The following CNOT2 variants were observed in gnomAD, a reference collection of about 807,000 sequenced individuals.
The protein encoded by CNOT2 is CC chemokine receptor 4-negative regulator of transcription 2.
A neutral mutation model predicts 72.1 loss-of-function variants in CNOT2; 7 were observed. The ratio of observed to expected loss-of-function variants is 0.10; its 90% CI spans 0.06 to 0.18. The LOEUF (loss-of-function observed/expected upper bound fraction) is 0.18, where lower values mean the gene tolerates loss of function less well. Ranked by LOEUF, CNOT2 falls within the 10% of genes least tolerant of loss-of-function variation. The probability of loss-of-function intolerance (pLI) is 1.00; values close to 1 mark genes in which losing one functional copy is unlikely to be tolerated. For synonymous variants in CNOT2, 196 were observed against 225.6 expected, an observed-to-expected ratio of 0.87 and a Z score of 1.17; for missense variants, 345 against 660.3, an observed-to-expected ratio of 0.52 and a Z score of 5.23.
At chr12:70,299,390 C>T (rs531616484) in intron 2 of CNOT2, among the ~76,000 whole-genome samples, 97 of 115,752 alleles carry the variant, frequency 8.4e-4, no homozygotes, top group Non-Finnish European at 1.5e-3. Context: ...CACCCCCCAA[C>T]AGTCCCCGGT....
At chr12:70,333,375 A>C (rs1000704117) in intron 7 of CNOT2, among the ~76,000 whole-genome samples, 1 of 151,924 alleles carries the variant, frequency 6.6e-6, no homozygotes. Flanking sequence ...TGGAAAACCA[A>C]CTCTGATTTT....
intron 2 of CNOT2, among the ~76,000 whole-genome samples, chr12:70,280,025 C>T (rs1485402343): frequency 6.6e-6 from 1 of 152,006 alleles, no homozygotes; most frequent in Non-Finnish European, 1.5e-5. Context: ...TTATGGGGTA[C>T]ATGTGGTATT....
intron 2 of CNOT2, among the ~76,000 whole-genome samples, chr12:70,282,080 G>A (rs1347160889): frequency 6.6e-6 from 1 of 152,088 alleles, no homozygotes; most frequent in African/African-American, 2.4e-5. Context: ...TTGGTGCTTG[G>A]TATGTAGATA....
intron 2 of CNOT2, among the ~76,000 whole-genome samples, chr12:70,282,631 A>G (rs565248170): frequency 2.6e-5 from 4 of 152,286 alleles, no homozygotes; most frequent in Non-Finnish European, 4.4e-5. Context: ...CTTTGTCTCT[A>G]ACAAATGTGT....
At chr12:70,273,345 G>C (rs1868318440) in intron 1 of CNOT2, among the ~76,000 whole-genome samples, 1 of 151,968 alleles carries the variant, frequency 6.6e-6, no homozygotes, top group Non-Finnish European at 1.5e-5. Context: ...TTTTGAAACA[G>C]TTGATTACAT....
At position 70,344,056 on chromosome 12, in the gene CNOT2, A is replaced by C. The variant is rs564311913; in HGVS notation, c.1291-72A>C. On this transcript the variant is annotated intron_variant, in intron 13 of 15. Transcript: ENST00000229195. ...CTGTTTATCTCTCCATTTTTTCTTT[A>C]GTAGTAGCAACTATATATTAGGATT... The C allele has an allele frequency of 2.1e-5, 19 of 917,586 alleles. No individual in the cohort carries two copies. The African/African-American group carries it at 3.0e-4, about 14-fold the overall frequency. The allele number at this position is 917,586 out of a possible 1,614,324, so 56.8% of individuals were successfully genotyped here.
chr12:70,327,295 G>A (rs1279567477), intron 4 of CNOT2, among the ~76,000 whole-genome samples: 2 of 151,844 alleles, frequency 1.3e-5, no homozygotes, highest in East Asian at 1.9e-4. Flanking sequence ...AGAGCAAGAC[G>A]TGGAGATTTA....
At chr12:70,243,629 G>A (rs1220152428) in intron 1 of CNOT2, 149 bp downstream of exon 1, 1 of 150,302 alleles carries the variant, frequency 6.7e-6, no homozygotes, top group Non-Finnish European at 1.5e-5. Flanking sequence ...ACCGCTTCCC[G>A]TTGCTTTTGT....
At chr12:70,264,828 A>C (rs1487917033) in intron 1 of CNOT2, among the ~76,000 whole-genome samples, 1 of 152,180 alleles carries the variant, frequency 6.6e-6, no homozygotes, top group Non-Finnish European at 1.5e-5. Flanking sequence ...ATTGAGATTT[A>C]GTAGATTATT....
rs571800335 is a variant in CNOT2, at chr12:70,272,750, C to T, written c.-95-5382C>T. Among the ~76,000 whole-genome samples, 6 of 152,126 alleles carry T rather than the reference C, an allele frequency of 3.9e-5. No homozygotes were observed. In the South Asian group the frequency reaches 1.0e-3, roughly 26 times the overall value. ...CTACCTACTGTCGTTCCTCTAATCC[C>T]TTCACTCTCCCTTTCTTAGAAGACC... On this transcript the variant is annotated intron_variant, in intron 1 of 15. Transcript: ENST00000229195.
intron 2 of CNOT2, among the ~76,000 whole-genome samples, chr12:70,295,641 A>G (rs1872692365): frequency 6.6e-6 from 1 of 152,150 alleles, no homozygotes; most frequent in Non-Finnish European, 1.5e-5. Context: ...ATATTTAAAG[A>G]TAAAGTACTA....
intron 2 of CNOT2, among the ~76,000 whole-genome samples, chr12:70,293,905 T>G (rs868169220): frequency 1.4e-5 from 2 of 142,034 alleles, no homozygotes; most frequent in Non-Finnish European, 3.0e-5. Context: ...AAGTTTGTGG[T>G]GAGCACTGCT....
At chr12:70,330,684 T>G (rs895665347) in intron 6 of CNOT2, 20 of 438,632 alleles carry the variant, frequency 4.6e-5, no homozygotes, top group South Asian at 4.3e-4. Context: ...ATTTTGTTGT[T>G]GTGGTTGTTA....
intron 2 of CNOT2, among the ~76,000 whole-genome samples, chr12:70,292,830 G>A (rs983833948): frequency 2.0e-5 from 3 of 152,164 alleles, no homozygotes; most frequent in Admixed American, 1.3e-4. Context: ...TGCTAACTCA[G>A]TGATTATTGA....
At chr12:70,247,620 T>C (rs557897084) in intron 1 of CNOT2, among the ~76,000 whole-genome samples, 2 of 152,338 alleles carry the variant, frequency 1.3e-5, no homozygotes, top group South Asian at 2.1e-4. Context: ...CCAAATCCTT[T>C]GCTGTATTGC....
intron 2 of CNOT2, among the ~76,000 whole-genome samples, chr12:70,293,050 T>C (rs866859335): frequency 1.3e-4 from 20 of 152,322 alleles, no homozygotes; most frequent in South Asian, 6.2e-4. Flanking sequence ...AATAAGCTTC[T>C]ATTTTTATTA....
At chr12:70,277,321 A>G (rs1472553515) in intron 1 of CNOT2, among the ~76,000 whole-genome samples, 1 of 152,036 alleles carries the variant, frequency 6.6e-6, no homozygotes, top group Non-Finnish European at 1.5e-5. Flanking sequence ...TAAAGACAGC[A>G]TTTCTTGTGA....
Position 70,338,817 on chromosome 12 carries a change from T to C in CNOT2, c.1173T>C (p.Ser391=). ...CAACATTAGGCCTCAATCTGAACTC[T>C]CCTGAGTAAGTTTTTTCTGTTTTTC... ...DLTTLGLNLN[S]PENLYPKFAS... Residue 391 remains serine, a synonymous_variant, in exon 11 of 16, where the codon TCT becomes TCC. Transcript: ENST00000229195. The C allele has an allele frequency of 1.2e-6, 2 of 1,611,736 alleles. No individual in the cohort carries two copies. The highest frequency in any genetic ancestry group is 1.7e-6 in the Non-Finnish European group (2 of 1,179,030).
chr12:70,332,922 G>T, intron 7 of CNOT2, 76 bp downstream of exon 7: 19 of 1,435,834 alleles, frequency 1.3e-5, no homozygotes, highest in Non-Finnish European at 1.6e-5. Context: ...CAACATACTG[G>T]TCTTTAAATA....
Sources: gnomAD v4.1 joint callset for allele counts (sites outside exome capture counted in the v4.1 genomes callset) on GRCh38, gnomAD v4.1.1 for gene constraint, MANE v1.5 for transcripts, NCBI Gene and HGNC (gene_info 2026-07-23, HGNC 2026-07-21) for gene names.